TADA2A: variants seen among roughly 807,000 people sequenced by gnomAD.
The protein encoded by TADA2A is transcriptional adaptor 2A.
TADA2A carries 38 observed loss-of-function variants against 67.4 expected under a neutral mutation model. The ratio of observed to expected loss-of-function variants is 0.56; its 90% CI spans 0.44 to 0.74. The LOEUF is 0.74. TADA2A is among the 30% of genes least tolerant of loss of function. TADA2A has a pLI of 0.00. For missense variants in TADA2A, 454 were observed against 547.0 expected, an observed-to-expected ratio of 0.83 and a Z score of 1.70; for synonymous variants, 192 against 181.6, an observed-to-expected ratio of 1.06 and a Z score of -0.46.
At chr17:37,444,797 C>T (rs375152788) in intron 8 of TADA2A, 29 bp downstream of exon 8, 19 of 1,593,700 alleles carry the variant, frequency 1.2e-5, no homozygotes, top group African/African-American at 9.4e-5. Context: ...AAATGTTTAT[C>T]GAGCGCCAAC....
At chr17:37,453,402 T>C (rs767883219) in intron 8 of TADA2A, among the ~76,000 whole-genome samples, 25 of 152,176 alleles carry the variant, frequency 1.6e-4, no homozygotes, top group Admixed American at 3.3e-4. Context: ...TCCCACTTTT[T>C]TTCTACCCTA....
intron 9 of TADA2A, among the ~76,000 whole-genome samples, chr17:37,460,754 A>C (rs971890266): frequency 6.6e-6 from 1 of 152,048 alleles, no homozygotes; most frequent in Non-Finnish European, 1.5e-5. Flanking sequence ...AGAGGGTATA[A>C]GTGTGCATGT....
At chr17:37,415,282 CACTT>C (rs1052315960) in intron 2 of TADA2A, among the ~76,000 whole-genome samples, 151 of 152,266 alleles carry the variant, frequency 9.9e-4, no homozygotes, top group African/African-American at 3.5e-3. Context: ...TTTTTCCCCT[CACTT>C]AATAGTATCT....
At chr17:37,460,169 C>T (rs1460595933) in intron 9 of TADA2A, among the ~76,000 whole-genome samples, 1 of 151,678 alleles carries the variant, frequency 6.6e-6, no homozygotes, top group Non-Finnish European at 1.5e-5. Flanking sequence ...CTGCCTTGGC[C>T]TCCCAGAGTG....
At chr17:37,454,211 C>A in intron 8 of TADA2A, 1 of 155,406 alleles carries the variant, frequency 6.4e-6, no homozygotes, top group South Asian at 1.9e-4. Context: ...CAAGATCTAC[C>A]CCAGACACAA....
intron 8 of TADA2A, among the ~76,000 whole-genome samples, chr17:37,446,742 T>C (rs1200009078): frequency 1.3e-5 from 2 of 152,192 alleles, no homozygotes; most frequent in Non-Finnish European, 2.9e-5. Flanking sequence ...TGGCTTGACT[T>C]GGTGAATCAC....
rs570568018 is a variant in TADA2A at position 37,458,381 on chromosome 17, G to C, written c.605-143G>C. On this transcript the variant is annotated intron_variant, in intron 8 of 15. Coordinates refer to ENST00000615182, the MANE Select transcript of TADA2A (RefSeq NM_001166105.3). ...ATTCTTTATGCTGGAATATTTTTAT[G>C]TTTTCTAGACTAGTGAGTGTGGAGT... The C allele has an allele frequency of 2.4e-5, 9 of 379,380 alleles. No homozygotes were observed. In the East Asian group the frequency reaches 4.9e-4, roughly 21 times the overall value. 23.5% of individuals were successfully genotyped at this position (379,380 alleles called of 1,614,324 possible). A position where few individuals can be genotyped will look rare whatever the true frequency, so the allele number is the denominator to read the frequency against.
chr17:37,419,770 C>T lies in TADA2A; in HGVS notation c.26-3739C>T, dbSNP rs62071215. 7.6e-3 allele frequency among the ~76,000 whole-genome samples: 731 copies of T among 95,832 alleles called. 55 individuals are homozygous for T. The highest frequency in any genetic ancestry group is 8.6e-3 in the South Asian group (23 of 2,668). 62.9% of individuals were successfully genotyped at this position (95,832 alleles called of 152,430 possible). ...TGCAGCCTGGGTAACCAGAGTGAGA[C>T]ACTGTCTCAAAAAAAAAAAAAAGAC... On this transcript the variant is annotated intron_variant, in intron 2 of 15. Transcript: ENST00000615182.
chr17:37,461,979 A>T, intron 9 of TADA2A, 99 bp from the exon 10 acceptor site: 2 of 963,288 alleles, frequency 2.1e-6, no homozygotes, highest in Admixed American at 4.7e-5. Context: ...ATTGTATTCC[A>T]CCTCAGCATG....
chr17:37,408,815 G>A (rs1364251588), intron 1 of TADA2A, among the ~76,000 whole-genome samples: 1 of 152,110 alleles, frequency 6.6e-6, no homozygotes, highest in Non-Finnish European at 1.5e-5. Context: ...TTCCTGAGAG[G>A]ACAGCAAAGG....
intron 8 of TADA2A, chr17:37,454,313 T>C (rs1716181460): frequency 1.3e-5 from 2 of 150,638 alleles, no homozygotes; most frequent in South Asian, 4.2e-4. Context: ...TTTTTTTTTT[T>C]TTTTTGGAGT....
At chr17:37,417,973 T>C (rs757423240) in intron 2 of TADA2A, among the ~76,000 whole-genome samples, 1 of 152,204 alleles carries the variant, frequency 6.6e-6, no homozygotes. Flanking sequence ...ATAATTACAA[T>C]AGAAGACATG....
chr17:37,473,430 T>C (rs2053833751), intron 14 of TADA2A, among the ~76,000 whole-genome samples: 1 of 152,192 alleles, frequency 6.6e-6, no homozygotes, highest in South Asian at 2.1e-4. Context: ...TGGTGACTTT[T>C]GTGAGGAACC....
chr17:37,474,929 T>G (rs1397066406), intron 15 of TADA2A, among the ~76,000 whole-genome samples: 1 of 152,180 alleles, frequency 6.6e-6, no homozygotes, highest in African/African-American at 2.4e-5. Flanking sequence ...CTCTACTGAG[T>G]GCTTTATGTA....
intron 8 of TADA2A, among the ~76,000 whole-genome samples, chr17:37,451,533 G>A (rs1597910223): frequency 6.6e-6 from 1 of 151,962 alleles, no homozygotes; most frequent in African/African-American, 2.4e-5. Flanking sequence ...TGTTGCCCAG[G>A]CTGGTCTCGA....
Position 37,470,398 on chromosome 17 carries a change from A to G in TADA2A, c.896-2A>G. ...TGGTCATTGTGTTTTCTATACCCCC[A>G]GGTGCCAGAACCTACGATCACCTCA... On this transcript the variant is annotated splice_acceptor_variant, in intron 12 of 15. Transcript: ENST00000615182. LOFTEE classifies it high-confidence loss of function. 1 of 1,613,574 alleles carries G rather than the reference A, an allele frequency of 6.2e-7. No homozygotes were observed.
intron 8 of TADA2A, among the ~76,000 whole-genome samples, chr17:37,458,212 A>G (rs940119402): frequency 6.6e-6 from 1 of 152,226 alleles, no homozygotes; most frequent in African/African-American, 2.4e-5. Flanking sequence ...TTTGCTAAGG[A>G]TAATGGCCTC....
rs889765579 is a variant in TADA2A, at chr17:37,411,629, C to T, written c.25+239C>T. ...ATTTTTAGTAGAGATAGGGTTTTAC[C>T]ATGTTGGCCAGACTGGTCTTGAACT... On this transcript the variant is annotated intron_variant, in intron 2 of 15. Transcript: ENST00000615182. 5.3e-5 allele frequency among the ~76,000 whole-genome samples: 8 copies of T among 151,638 alleles called. No individual in the cohort carries two copies. In the East Asian group the frequency reaches 1.6e-3, roughly 30 times the overall value.
chr17:37,440,378 A>T (rs1264716147), intron 5 of TADA2A, 127 bp from the exon 6 acceptor site: 2 of 1,087,688 alleles, frequency 1.8e-6, no homozygotes, highest in African/African-American at 1.6e-5. Context: ...TATCTTTTTG[A>T]TATCAATTTG....
Sources: allele counts gnomAD v4.1 joint callset (sites outside exome capture counted in the v4.1 genomes callset), GRCh38; gene constraint gnomAD v4.1.1; transcripts MANE v1.5; gene names NCBI Gene and HGNC (gene_info 2026-07-23, HGNC 2026-07-21).